The following WWTR1 variants were observed in gnomAD, a reference collection of about 807,000 sequenced individuals.
WWTR1 encodes WW domain containing transcription regulator 1.
WWTR1 carries 13 observed loss-of-function variants against 40.1 expected under a neutral mutation model. The observed-to-expected ratio is 0.32, with a 90% CI of 0.21 to 0.52. The LOEUF (loss-of-function observed/expected upper bound fraction) is 0.52, where lower values mean the gene tolerates loss of function less well. WWTR1 is among the 20% of genes least tolerant of loss of function. The probability of loss-of-function intolerance (pLI) is 0.97; values close to 1 mark genes in which losing one functional copy is unlikely to be tolerated. For missense variants in WWTR1, 436 were observed against 523.1 expected (o/e 0.83, Z 1.63); for synonymous variants, 230 against 210.1 (o/e 1.09, Z -0.82).
At chr3:149,719,796 T>C (rs746627880) in intron 4 of WWTR1, among the ~76,000 whole-genome samples, 3 of 152,236 alleles carry the variant, frequency 2.0e-5, no homozygotes, top group Admixed American at 6.5e-5. Context: ...ATTGCTTTGA[T>C]AGTAGCCATC....
intron 2 of WWTR1, among the ~76,000 whole-genome samples, chr3:149,666,302 A>G (rs1713815947): frequency 6.6e-6 from 1 of 152,230 alleles, no homozygotes. Context: ...CAAGGAGAAG[A>G]GAGCCCTCCA....
intron 2 of WWTR1, among the ~76,000 whole-genome samples, chr3:149,669,548 A>T (rs962035871): frequency 1.6e-4 from 24 of 152,244 alleles, no homozygotes; most frequent in Non-Finnish European, 2.9e-4. Flanking sequence ...GAAAGGAAAC[A>T]TTAAAAGTAA....
At chr3:149,529,965 T>C (rs964168621) in intron 4 of WWTR1, among the ~76,000 whole-genome samples, 4 of 152,238 alleles carry the variant, frequency 2.6e-5, no homozygotes, top group African/African-American at 7.2e-5. Context: ...TGTGGGAGTT[T>C]ACCTCTAAAC....
intron 2 of WWTR1, among the ~76,000 whole-genome samples, chr3:149,610,243 C>T (rs1739672466): frequency 6.6e-6 from 1 of 152,158 alleles, no homozygotes; most frequent in African/African-American, 2.4e-5. Context: ...AAGCAAAGTA[C>T]CAAATTCATA....
chr3:149,614,193 T>C (rs557588532), intron 2 of WWTR1, among the ~76,000 whole-genome samples: 61 of 152,278 alleles, frequency 4.0e-4, no homozygotes, highest in African/African-American at 1.4e-3. Flanking sequence ...CAACAACAGA[T>C]GGTACATTCA....
chr3:149,692,787 C>T (rs1181479166), intron 1 of WWTR1, among the ~76,000 whole-genome samples: 1 of 152,182 alleles, frequency 6.6e-6, no homozygotes, highest in Non-Finnish European at 1.5e-5. Context: ...GTGCCGGCCA[C>T]TGCACACAGC....
At chr3:149,581,055 A>G (rs1413748438) in intron 2 of WWTR1, among the ~76,000 whole-genome samples, 2 of 152,216 alleles carry the variant, frequency 1.3e-5, no homozygotes, top group African/African-American at 4.8e-5. Flanking sequence ...ATGGTTGAAG[A>G]GATACATAGC....
At chr3:149,569,639 G>A (rs1328994515) in intron 3 of WWTR1, among the ~76,000 whole-genome samples, 1 of 152,176 alleles carries the variant, frequency 6.6e-6, no homozygotes, top group African/African-American at 2.4e-5. Context: ...AATAAAATTA[G>A]TTATAAAAGG....
intron 3 of WWTR1, among the ~76,000 whole-genome samples, chr3:149,568,539 A>AC (rs1560064412): frequency 4.2e-5 from 6 of 142,018 alleles, no homozygotes; most frequent in Non-Finnish European, 9.2e-5. Context: ...AAAAAAAAAA[A>AC]AAAAAAAAAA....
chr3:149,593,557 A>T (rs933180884), intron 2 of WWTR1, among the ~76,000 whole-genome samples: 1 of 152,198 alleles, frequency 6.6e-6, no homozygotes, highest in African/African-American at 2.4e-5. Context: ...CTCACCACTG[A>T]AGAGAACTCT....
intron 2 of WWTR1, among the ~76,000 whole-genome samples, chr3:149,619,264 C>T (rs550535360): frequency 6.6e-6 from 1 of 152,102 alleles, no homozygotes; most frequent in African/African-American, 2.4e-5. Flanking sequence ...CTGTTCCCCT[C>T]CCCTTCCAAC....
intron 1 of WWTR1, among the ~76,000 whole-genome samples, chr3:149,700,354 C>T (rs1196433754): frequency 1.3e-5 from 2 of 152,080 alleles, no homozygotes; most frequent in African/African-American, 2.4e-5. Context: ...ACTAGACTGA[C>T]AGGAAGGATC....
At chr3:149,594,317 CTG>C (rs1029068687) in intron 2 of WWTR1, among the ~76,000 whole-genome samples, 28 of 152,118 alleles carry the variant, frequency 1.8e-4, no homozygotes, top group African/African-American at 6.7e-4. Flanking sequence ...CTCAAAAAGA[CTG>C]TAATTGATTT....
intron 4 of WWTR1, among the ~76,000 whole-genome samples, chr3:149,534,681 A>G (rs879435566): frequency 6.6e-6 from 1 of 152,164 alleles, no homozygotes; most frequent in Admixed American, 6.5e-5. Context: ...ACCCTGACCC[A>G]ACCCTCCTCC....
chr3:149,700,594 AAAATT>A (rs147804619), intron 1 of WWTR1, among the ~76,000 whole-genome samples: 2 of 151,896 alleles, frequency 1.3e-5, no homozygotes, highest in South Asian at 2.1e-4. Flanking sequence ...AAAAGACAAA[AAAATT>A]AAATTAAATT....
intron 2 of WWTR1, among the ~76,000 whole-genome samples, chr3:149,620,698 G>C (rs901727337): frequency 1.3e-5 from 2 of 152,034 alleles, no homozygotes; most frequent in Admixed American, 6.6e-5. Context: ...TTTTATCTAG[G>C]TCCTATTTAT....
chr3:149,686,099 T>C (rs74534500), intron 1 of WWTR1, among the ~76,000 whole-genome samples: 3,225 of 152,230 alleles, frequency 0.021, 65 homozygotes, highest in South Asian at 0.092. Context: ...GCTTAAACAA[T>C]AGGAAACATT....
chr3:149,684,268 G>A (rs551905796), intron 1 of WWTR1, among the ~76,000 whole-genome samples: 71 of 152,002 alleles, frequency 4.7e-4, no homozygotes, highest in Middle Eastern at 3.4e-3. Flanking sequence ...ATGCCCTTCC[G>A]CCTCAGCCTC....
chr3:149,721,631 GGGT>G (rs1198142610), intron 4 of WWTR1, among the ~76,000 whole-genome samples: 1 of 152,150 alleles, frequency 6.6e-6, no homozygotes, highest in Non-Finnish European at 1.5e-5. Context: ...GACTGGGTTA[GGGT>G]GTAATCTCTT....
Sources: gnomAD v4.1 joint callset for allele counts (sites outside exome capture counted in the v4.1 genomes callset) on GRCh38, gnomAD v4.1.1 for gene constraint, MANE v1.5 for transcripts, NCBI Gene and HGNC (gene_info 2026-07-23, HGNC 2026-07-21) for gene names.